Variants in LAMB3 observed in about 807,000 individuals in gnomAD.
The protein encoded by LAMB3 is laminin subunit beta 3.
A neutral mutation model predicts 140.3 loss-of-function variants in LAMB3; 104 were observed. That is an observed-to-expected ratio of 0.74 (90% confidence interval 0.63 to 0.87). LAMB3 has a LOEUF of 0.87. Ranked by LOEUF, LAMB3 falls within the 40% of genes least tolerant of loss-of-function variation. The pLI is 0.00. For synonymous variants in LAMB3, 592 were observed against 602.9 expected, an observed-to-expected ratio of 0.98 and a Z score of 0.26; for missense variants, 1,531 against 1,575.2, an observed-to-expected ratio of 0.97 and a Z score of 0.47.
rs769334793 is a variant in LAMB3, at chr1:209,634,623, C to T, written c.388G>A (p.Gly130Ser). 1.9e-5 allele frequency: 30 copies of T among 1,613,496 alleles called. No homozygotes were observed. The South Asian group carries it at 2.7e-4, about 15-fold the overall frequency. Residue 130 changes from glycine (G) to serine (S), a missense_variant, in exon 6 of 23, where the codon GGC (glycine) becomes AGC (serine). Gly to Ser is a moderately conservative substitution (Grantham distance 56). Transcript: ENST00000356082. ...TCTGAGGAGCGCTCAATCAGCATGC[C>T]GGCGGGCATGGGCCCCTGTGGAGAC... ...MMEFQGPMPA[G>S]MLIERSSDFG...
chr1:209,629,915 G>A lies in LAMB3; in HGVS notation c.954C>T (p.Cys318=), dbSNP rs755645935. The change falls in exon 10 of 23, where the codon TGC becomes TGT. Residue 318 remains cysteine (C), a synonymous_variant. Coordinates refer to ENST00000356082, the MANE Select transcript of LAMB3 (RefSeq NM_000228.3). ...AGTGACATGTCTCTGAGTGCCCATT[G>A]CAGTCGCACCCTGGAAAAAGAGAGT... ...QDAHECQRCD[C]NGHSETCHFD... The A allele has an allele frequency of 6.2e-7, 1 of 1,613,882 alleles. No individual in the cohort carries two copies. The highest frequency in any genetic ancestry group is 1.1e-5 in the South Asian group (1 of 91,074).
In LAMB3 at chr1:209,638,569, G is replaced by A; in HGVS notation, c.263C>T (p.Ser88Phe). The change falls in exon 4 of 23, where the codon TCC becomes TTC. Residue 88 changes from serine to phenylalanine, a missense_variant. Coordinates refer to ENST00000356082, the MANE Select transcript of LAMB3 (RefSeq NM_000228.3). ...CTGCCACCAGCGCATGGGGCCGGAG[G>A]ATGAAGCCACATTCTCTACTCGGTG... ...YSHRVENVAS[S>F]SGPMRWWQSQ... The A allele has an allele frequency of 1.2e-6, 2 of 1,613,846 alleles. No homozygotes were observed. The highest frequency in any genetic ancestry group is 8.5e-7 in the Non-Finnish European group (1 of 1,179,722).
chr1:209,636,353 C>G (rs1466800625), intron 5 of LAMB3, among the ~76,000 whole-genome samples: 3 of 152,148 alleles, frequency 2.0e-5, no homozygotes, highest in Admixed American at 2.0e-4. Context: ...AAAAATGTCT[C>G]CAGAAATTGT....
At chr1:209,635,370 T>C (rs575698565) in intron 5 of LAMB3, among the ~76,000 whole-genome samples, 5 of 151,906 alleles carry the variant, frequency 3.3e-5, no homozygotes, top group African/African-American at 1.2e-4. Flanking sequence ...TCACTCTTAC[T>C]CAGTCATATC....
At chr1:209,619,489 T>C (rs1666111402) in intron 18 of LAMB3, among the ~76,000 whole-genome samples, 2 of 152,218 alleles carry the variant, frequency 1.3e-5, no homozygotes, top group African/African-American at 4.8e-5. Context: ...CCTGGGCAAG[T>C]CAAGTGGTTC....
At chr1:209,648,727 C>T (rs2076538946) in intron 3 of LAMB3, among the ~76,000 whole-genome samples, 1 of 152,058 alleles carries the variant, frequency 6.6e-6, no homozygotes, top group African/African-American at 2.4e-5. Context: ...CTTGCCTCCC[C>T]TCCCAAAATG....
At position 209,618,257 on chromosome 1, in the gene LAMB3, C is replaced by T. The variant is rs535668027; in HGVS notation, c.2909+195G>A. Among the ~76,000 whole-genome samples the T allele has an allele frequency of 1.6e-4, 24 of 152,338 alleles. No individual in the cohort carries two copies. In the East Asian group the frequency reaches 3.7e-3, roughly 23 times the overall value. On this transcript the variant is annotated intron_variant, in intron 19 of 22. Transcript: ENST00000356082. Reference sequence around the variant, plus strand: ...CATTATGCCCAAGACACCTTCTGGGCGGTTTCCAATACGGAAGACACAGTC... The same window carrying T: ...CATTATGCCCAAGACACCTTCTGGGTGGTTTCCAATACGGAAGACACAGTC...
chr1:209,618,812 A>G, intron 18 of LAMB3, 153 bp from the exon 19 acceptor site: 1 of 714,336 alleles, frequency 1.4e-6, no homozygotes, highest in Non-Finnish European at 2.5e-6. Flanking sequence ...AACCAGACTC[A>G]GGCGCCTGTT....
At position 209,627,564 on chromosome 1, in the gene LAMB3, A is replaced by T. The variant is rs747084268; in HGVS notation, c.1304T>A (p.Ile435Asn). 3.1e-6 allele frequency: 5 copies of T among 1,613,884 alleles called. No individual in the cohort carries two copies. In the African/African-American group the frequency reaches 6.7e-5, roughly 22 times the overall value. The stretch of plus-strand genomic sequence containing the variant: ...CGGCATGTCCCTCCGGGACCCCAGG[A>T]TGTTGCAGTCACAGCCTGCAGGAGG... ...PQGCHRCDCN[I>N]LGSRRDMPCD... The change falls in exon 12 of 23, where the codon ATC (isoleucine) becomes AAC (asparagine). Residue 435 changes from isoleucine (I) to asparagine (N), a missense_variant. Coordinates refer to ENST00000356082, the MANE Select transcript of LAMB3 (RefSeq NM_000228.3).
intron 3 of LAMB3, among the ~76,000 whole-genome samples, chr1:209,645,952 C>T (rs2076514326): frequency 6.6e-6 from 1 of 152,144 alleles, no homozygotes; most frequent in South Asian, 2.1e-4. Flanking sequence ...TGCGCCTGCG[C>T]GTATTAGAGA....
At chr1:209,616,405 C>T in intron 22 of LAMB3, 66 bp downstream of exon 22, 1 of 1,589,182 alleles carries the variant, frequency 6.3e-7, no homozygotes, top group East Asian at 2.2e-5. Flanking sequence ...CTTCAGAAGC[C>T]TTGGGTTGGG....
intron 5 of LAMB3, 41 bp from the exon 6 acceptor site, chr1:209,634,679 G>A (rs753314032): frequency 2.6e-6 from 4 of 1,525,904 alleles, no homozygotes; most frequent in Non-Finnish European, 3.6e-6. Context: ...AGGCACTGGG[G>A]CTGTGCCCCG....
Position 209,623,768 on chromosome 1 carries a change from G to C in LAMB3, c.2138-43C>G, listed in dbSNP as rs1181117441. 1.9e-6 allele frequency: 3 copies of C among 1,613,564 alleles called. No homozygotes were observed. The South Asian group carries it at 3.3e-5, about 18-fold the overall frequency. On this transcript the variant is annotated intron_variant, in intron 15 of 22. Transcript: ENST00000356082. The surrounding 1 kb of genome is among the most constrained non-coding windows in gnomAD (Gnocchi z 4.2). ...AGGAATGGAGATGGAGGAGGAGCAGGAGGGAGAGGGGGTGGCATGCCCACC... is the reference window on the plus strand; with the variant it reads ...AGGAATGGAGATGGAGGAGGAGCAGCAGGGAGAGGGGGTGGCATGCCCACC...
Position 209,629,945 on chromosome 1 carries a change from G to A in LAMB3, c.944-20C>T. The stretch of plus-strand genomic sequence containing the variant: ...CGCACCCTGGAAAAAGAGAGTCCCA[G>A]GGCTGACATCTGACCCACACCTTTG... On this transcript the variant is annotated intron_variant, in intron 9 of 22. Transcript: ENST00000356082. 6.2e-7 allele frequency: 1 copy of A among 1,612,716 alleles called. No individual in the cohort carries two copies. Among genetic ancestry groups the A allele is most frequent in the African/African-American group, 1.3e-5 (1 of 75,002 alleles).
intron 18 of LAMB3, chr1:209,618,937 G>A (rs1430221755): frequency 9.4e-6 from 5 of 534,486 alleles, no homozygotes; most frequent in South Asian, 2.0e-5. Flanking sequence ...GGTGCCACAG[G>A]AAGCTGCGGG....
intron 12 of LAMB3, among the ~76,000 whole-genome samples, 178 bp downstream of exon 12, chr1:209,627,205 G>A (rs893461970): frequency 2.6e-4 from 40 of 152,180 alleles, no homozygotes; most frequent in African/African-American, 7.7e-4. Flanking sequence ...TATTACTGAC[G>A]GCCAAGAGCC....
intron 11 of LAMB3, 122 bp from the exon 12 acceptor site, chr1:209,627,701 T>A: frequency 1.1e-6 from 1 of 915,262 alleles, no homozygotes; most frequent in Admixed American, 2.0e-5. Flanking sequence ...TCCCTGCAGA[T>A]GACATGGCTG....
At chr1:209,616,653 A>C (rs1206020790) in intron 21 of LAMB3, 29 bp from the exon 22 acceptor site, 1 of 1,612,000 alleles carries the variant, frequency 6.2e-7, no homozygotes, top group Non-Finnish European at 8.5e-7. Flanking sequence ...TCTCAGTGTC[A>C]TTGTCATCAT....
intron 18 of LAMB3, chr1:209,618,935 A>C (rs1666091203): frequency 1.9e-6 from 1 of 534,820 alleles, no homozygotes; most frequent in Admixed American, 3.1e-5. Flanking sequence ...CTGGTGCCAC[A>C]GGAAGCTGCG....
Sources: allele counts gnomAD v4.1 joint callset (sites outside exome capture counted in the v4.1 genomes callset), GRCh38; gene constraint gnomAD v4.1.1; non-coding constraint Gnocchi (gnomAD v3.1); transcripts MANE v1.5; gene names NCBI Gene and HGNC (gene_info 2026-07-23, HGNC 2026-07-21).